The following UBE3A variants were observed in gnomAD, a reference collection of about 807,000 sequenced individuals.
UBE3A encodes ubiquitin-protein ligase E3A.
A neutral mutation model predicts 83.4 loss-of-function variants in UBE3A; 6 were observed. That is an observed-to-expected ratio of 0.07 (90% CI 0.04 to 0.14). UBE3A has a LOEUF of 0.14. Ranked by LOEUF, UBE3A falls within the 10% of genes least tolerant of loss-of-function variation. The pLI is 1.00. For synonymous variants in UBE3A, 337 were observed against 355.4 expected (o/e 0.95, Z 0.58); for missense variants, 456 against 1,036.1 (o/e 0.44, Z 7.69).
At chr15:25,352,613 C>T (rs1266395347) in intron 11 of UBE3A, among the ~76,000 whole-genome samples, 1 of 152,108 alleles carries the variant, frequency 6.6e-6, no homozygotes, top group Non-Finnish European at 1.5e-5. Context: ...AGGGTTGCCA[C>T]CAAAAAAACT....
In UBE3A at chr15:25,371,544, C is replaced by A. The variant is rs748608117; in HGVS notation, c.630G>T (p.Arg210Ser). ...TGTCTCCCTGTGAGCTATCACCTAT[C>A]CTTGAGGAAGATGCTTCTGAGTCTT... ...MEEDSEASSS[R>S]IGDSSQGDNN... The change falls in exon 6 of 13, where the codon AGG (arginine) becomes AGT (serine). Residue 210 changes from arginine (R) to serine (S), a missense_variant. By Grantham distance (110) the Arg-to-Ser change is moderately radical. Transcript: ENST00000648336. The surrounding 1 kb of genome is among the most constrained non-coding windows in gnomAD (Gnocchi z 5.3). 2 of 1,614,158 alleles carry A rather than the reference C, an allele frequency of 1.2e-6. No individual in the cohort carries two copies. Among genetic ancestry groups the A allele is most frequent in the South Asian group, 2.2e-5 (2 of 91,074 alleles).
chr15:25,336,724 A>G lies in UBE3A; in HGVS notation c.*2413T>C, dbSNP rs1459359342. The G allele has an allele frequency of 1.3e-5, 2 of 152,292 alleles. No individual in the cohort carries two copies. Among genetic ancestry groups the G allele is most frequent in the Non-Finnish European group, 2.9e-5 (2 of 68,018 alleles). 9.4% of individuals were successfully genotyped at this position (152,292 alleles called of 1,614,324 possible). On this transcript the variant is annotated 3_prime_UTR_variant, in exon 13 of 13. Transcript: ENST00000648336. ...TGTATGTTTGAAATGTTCTATAATA[A>G]TAAAAGGTTAAAAAAGTTTACATTT... is the stretch of plus-strand genomic sequence containing the variant.
intron 1 of UBE3A, chr15:25,438,083 G>A (rs946004186): frequency 6.6e-6 from 1 of 152,250 alleles, no homozygotes; most frequent in Non-Finnish European, 1.5e-5. Flanking sequence ...TCTTCCCCAA[G>A]AGAGCCAAAA....
At chr15:25,344,211 GA>G (rs1362070009) in intron 11 of UBE3A, among the ~76,000 whole-genome samples, 1 of 152,122 alleles carries the variant, frequency 6.6e-6, no homozygotes, top group Non-Finnish European at 1.5e-5. Context: ...AAATAACCTC[GA>G]TGCCCATAAA....
intron 1 of UBE3A, among the ~76,000 whole-genome samples, chr15:25,421,479 G>T (rs1042970390): frequency 6.6e-6 from 1 of 152,114 alleles, no homozygotes; most frequent in Non-Finnish European, 1.5e-5. Flanking sequence ...GACAAAAATC[G>T]TATGATTCCA....
chr15:25,339,968 G>A (rs1566824237), intron 12 of UBE3A, 117 bp downstream of exon 12: 2 of 1,345,568 alleles, frequency 1.5e-6, no homozygotes, highest in African/African-American at 2.9e-5. Context: ...ATATGATTTG[G>A]GGATTTGTAT....
At chr15:25,419,851 G>A (rs746669209) in intron 1 of UBE3A, among the ~76,000 whole-genome samples, 13 of 151,844 alleles carry the variant, frequency 8.6e-5, no homozygotes, top group Non-Finnish European at 1.3e-4. Flanking sequence ...GTAAGTTAAA[G>A]GTGCATATTG....
At chr15:25,384,459 CAAAAA>C (rs1306982756) in intron 4 of UBE3A, among the ~76,000 whole-genome samples, 2 of 70,180 alleles carry the variant, frequency 2.8e-5, no homozygotes, top group Admixed American at 1.7e-4. Flanking sequence ...GACTCTGTCT[CAAAAA>C]AAAAAAAAAA....
chr15:25,391,428 G>A (rs1299844111), intron 4 of UBE3A, among the ~76,000 whole-genome samples: 4 of 152,202 alleles, frequency 2.6e-5, no homozygotes, highest in African/African-American at 4.8e-5. Context: ...GCACAACAAT[G>A]TGCACAGTTA....
chr15:25,395,436 T>C (rs1422816396), intron 4 of UBE3A, among the ~76,000 whole-genome samples: 1 of 152,088 alleles, frequency 6.6e-6, no homozygotes, highest in Non-Finnish European at 1.5e-5. Flanking sequence ...AGTATAATGG[T>C]TAAAAAAAAT....
At chr15:25,350,405 A>G (rs1017701371) in intron 11 of UBE3A, among the ~76,000 whole-genome samples, 1 of 152,112 alleles carries the variant, frequency 6.6e-6, no homozygotes, top group Non-Finnish European at 1.5e-5. Context: ...TTTTCTACTT[A>G]ATAAATATTT....
Position 25,405,479 on chromosome 15 carries a change from T to C in UBE3A, c.44A>G (p.Asp15Gly), listed in dbSNP as rs1158669153. The C allele has an allele frequency of 6.2e-7, 1 of 1,613,958 alleles. No homozygotes were observed. Among genetic ancestry groups the C allele is most frequent in the Non-Finnish European group, 8.5e-7 (1 of 1,179,898 alleles). ...CACTTACATTCGGCTAGCTTCAATG[T>C]CGTCAGACTGAGGTTCTCCTGATCT... ...CKRSGEPQSDDIEASRMKRAA... is the reference protein window; with the variant it reads ...CKRSGEPQSDGIEASRMKRAA... The change falls in exon 4 of 13, where the codon GAC becomes GGC. Residue 15 changes from aspartate (D) to glycine (G), a missense_variant. Coordinates refer to ENST00000648336, the MANE Select transcript of UBE3A (RefSeq NM_130839.5).
chr15:25,393,050 G>C (rs776904271), intron 4 of UBE3A, among the ~76,000 whole-genome samples: 1 of 149,366 alleles, frequency 6.7e-6, no homozygotes, highest in African/African-American at 2.5e-5. Flanking sequence ...GTCACTGAAG[G>C]GTTTTAAGCA....
At position 25,336,480 on chromosome 15, in the gene UBE3A, A is replaced by C. The variant is rs2073966399; in HGVS notation, c.*2657T>G. 6.6e-6 allele frequency: 1 copy of C among 152,188 alleles called. No homozygotes were observed. Among genetic ancestry groups the C allele is most frequent in the Admixed American group, 6.5e-5 (1 of 15,276 alleles). 9.4% of individuals were successfully genotyped at this position (152,188 alleles called of 1,614,324 possible). A position where few individuals can be genotyped will look rare whatever the true frequency, so the allele number is the denominator to read the frequency against. The stretch of plus-strand genomic sequence containing the variant: ...CCATTACAACCATCTGTTCTAACAG[A>C]ATGTCTGTACCGAGGAGGGATGAGT... On this transcript the variant is annotated 3_prime_UTR_variant, in exon 13 of 13. Transcript: ENST00000648336.
Position 25,354,160 on chromosome 15 carries a change from C to T in UBE3A, c.2354+193G>A. On this transcript the variant is annotated intron_variant, in intron 11 of 12. Transcript: ENST00000648336. The stretch of plus-strand genomic sequence containing the variant: ...TACATGAGACTTATATATAACAACA[C>T]TTCATTCATGAAATAAATCACAAGA... The T allele has an allele frequency of 4.8e-6, 3 of 629,870 alleles. No homozygotes were observed. The East Asian group carries it at 8.2e-5, about 17-fold the overall frequency. 39.0% of individuals were successfully genotyped at this position (629,870 alleles called of 1,614,324 possible). A position where few individuals can be genotyped will look rare whatever the true frequency, so the allele number is the denominator to read the frequency against.
chr15:25,387,285 G>C (rs1038882633), intron 4 of UBE3A, among the ~76,000 whole-genome samples: 6 of 152,188 alleles, frequency 3.9e-5, no homozygotes, highest in Non-Finnish European at 7.3e-5. Flanking sequence ...ACTTTGGGAG[G>C]CTGAGGCGGG....
chr15:25,335,453 GAGTC>G lies in UBE3A; in HGVS notation c.*3680_*3683del, dbSNP rs2073918908. On this transcript the variant is annotated 3_prime_UTR_variant, in exon 13 of 13. Coordinates refer to ENST00000648336, the MANE Select transcript of UBE3A (RefSeq NM_130839.5). ...GAAAAGGATTGGAAGAGGGAGATGAGAGTCAGGGAGTGAAATTAGGCAGCTGCTA... is the reference window on the plus strand; with the variant it reads ...GAAAAGGATTGGAAGAGGGAGATGAGAGGGAGTGAAATTAGGCAGCTGCTA... The G allele has an allele frequency of 6.6e-6, 1 of 152,222 alleles. No homozygotes were observed. The highest frequency in any genetic ancestry group is 2.1e-4 in the South Asian group (1 of 4,834). The allele number at this position is 152,222 out of a possible 1,614,324, so 9.4% of individuals were successfully genotyped here.
At chr15:25,390,308 C>T (rs1391218786) in intron 4 of UBE3A, among the ~76,000 whole-genome samples, 1 of 152,132 alleles carries the variant, frequency 6.6e-6, no homozygotes, top group Non-Finnish European at 1.5e-5. Context: ...TACAGAAAGT[C>T]GCTGAAAACC....
At chr15:25,349,331 A>G (rs1458146335) in intron 11 of UBE3A, among the ~76,000 whole-genome samples, 1 of 152,224 alleles carries the variant, frequency 6.6e-6, no homozygotes, top group Non-Finnish European at 1.5e-5. Context: ...AAGAAAACAT[A>G]AGATATTTGT....
Sources: gnomAD v4.1 joint callset for allele counts (sites outside exome capture counted in the v4.1 genomes callset) on GRCh38, gnomAD v4.1.1 for gene constraint, Gnocchi (gnomAD v3.1) non-coding constraint, MANE v1.5 for transcripts, NCBI Gene and HGNC (gene_info 2026-07-23, HGNC 2026-07-21) for gene names.